VPS8: variants seen among roughly 807,000 people sequenced by gnomAD.
VPS8 encodes the protein vacuolar protein sorting-associated protein 8 homolog.
In VPS8, 129 loss-of-function variants were observed where a neutral mutation model predicts 216.4. The ratio of observed to expected loss-of-function variants is 0.60; its 90% CI spans 0.52 to 0.69. The LOEUF is 0.69. Ranked by LOEUF, VPS8 falls within the 30% of genes least tolerant of loss-of-function variation. VPS8 has a pLI of 0.00. For synonymous variants in VPS8, 571 were observed against 565.4 expected, an observed-to-expected ratio of 1.01 and a Z score of -0.14; for missense variants, 1,531 against 1,683.5, an observed-to-expected ratio of 0.91 and a Z score of 1.59.
At chr3:184,968,535 G>A (rs965131025) in intron 39 of VPS8, among the ~76,000 whole-genome samples, 1 of 152,014 alleles carries the variant, frequency 6.6e-6, no homozygotes, top group Non-Finnish European at 1.5e-5. Context: ...CATCCTTTCC[G>A]ACATTTATAT....
At chr3:184,945,460 A>G (rs1046504846) in intron 36 of VPS8, among the ~76,000 whole-genome samples, 4 of 152,130 alleles carry the variant, frequency 2.6e-5, no homozygotes, top group Admixed American at 2.0e-4. Context: ...ATGTATAAGT[A>G]TCTTAAATAA....
At chr3:184,814,089 CTG>C (rs1489695797) in intron 1 of VPS8, among the ~76,000 whole-genome samples, 2 of 152,192 alleles carry the variant, frequency 1.3e-5, no homozygotes, top group African/African-American at 2.4e-5. Flanking sequence ...GGATTTTTCA[CTG>C]TTATGAATTT....
intron 45 of VPS8, among the ~76,000 whole-genome samples, chr3:185,020,598 G>C (rs75559864): frequency 1.5e-3 from 233 of 151,716 alleles, no homozygotes; most frequent in Admixed American, 5.6e-3. Context: ...ACCCTCCCAA[G>C]TAACTGAGAC....
chr3:184,916,344 TTA>T (rs1310118607), intron 28 of VPS8, among the ~76,000 whole-genome samples: 1 of 152,130 alleles, frequency 6.6e-6, no homozygotes, highest in Non-Finnish European at 1.5e-5. Context: ...TGGAAAATGC[TTA>T]TAGTGTTTAG....
At chr3:184,986,992 A>G (rs1326165930) in intron 42 of VPS8, among the ~76,000 whole-genome samples, 5 of 152,178 alleles carry the variant, frequency 3.3e-5, no homozygotes, top group Admixed American at 1.3e-4. Context: ...GTACAGTTGT[A>G]TGGGTTTTGA....
At chr3:184,893,483 C>A in intron 22 of VPS8, 3 of 505,390 alleles carry the variant, frequency 5.9e-6, no homozygotes, top group Non-Finnish European at 7.9e-6. Context: ...TGATACAAGG[C>A]AATACAATTT....
chr3:184,992,864 T>C (rs1752089296), intron 42 of VPS8, among the ~76,000 whole-genome samples: 1 of 152,236 alleles, frequency 6.6e-6, no homozygotes, highest in Admixed American at 6.5e-5. Context: ...AATTTGGCAG[T>C]ATATATTGAT....
At chr3:184,895,589 CT>C in intron 23 of VPS8, among the ~76,000 whole-genome samples, 1 of 78,182 alleles carries the variant, frequency 1.3e-5, no homozygotes, top group Admixed American at 1.2e-4. Flanking sequence ...CCTCCTCCTG[CT>C]CCTCCTCCTC....
chr3:185,027,537 C>T (rs1757562621), intron 46 of VPS8, among the ~76,000 whole-genome samples: 2 of 152,120 alleles, frequency 1.3e-5, no homozygotes, highest in East Asian at 1.9e-4. Context: ...CCACCGCACC[C>T]GGCTCTTACG....
At chr3:185,037,542 G>A (rs1209113162) in intron 46 of VPS8, among the ~76,000 whole-genome samples, 1 of 152,108 alleles carries the variant, frequency 6.6e-6, no homozygotes. Flanking sequence ...TAGCCATAAT[G>A]TATTAAAATA....
chr3:184,955,930 C>T lies in VPS8; in HGVS notation c.3036-1444C>T, dbSNP rs188355488. ...GGTATACATAGGGAATGGCCAGTCA[C>T]TGAACAAACTTCTGTATTAAAGGCA... On this transcript the variant is annotated intron_variant, in intron 36 of 47. Coordinates refer to ENST00000625842, the MANE Select transcript of VPS8 (RefSeq NM_001009921.3). 3.8e-3 allele frequency among the ~76,000 whole-genome samples: 567 copies of T among 147,972 alleles called. 3 individuals are homozygous for T. Among genetic ancestry groups the T allele is most frequent in the African/African-American group, 0.014 (544 of 39,978 alleles).
rs183181662 is a variant in VPS8 at position 184,999,668 on chromosome 3, G to A, written c.3837-28G>A. 2.3e-4 allele frequency: 358 copies of A among 1,583,326 alleles called. 2 individuals carry two copies. The African/African-American group carries it at 4.2e-3, about 19-fold the overall frequency. The stretch of plus-strand genomic sequence containing the variant: ...TTTATGGATTTTGTGATAATAAAAA[G>A]TACAAATTGGTTGCCTTCGTTTTGC... On this transcript the variant is annotated intron_variant, in intron 44 of 47. Coordinates refer to ENST00000625842, the MANE Select transcript of VPS8 (RefSeq NM_001009921.3).
chr3:184,834,645 TC>T lies in VPS8; in HGVS notation c.354-3del. The T allele has an allele frequency of 6.5e-7, 1 of 1,526,928 alleles. No homozygotes were observed. Among genetic ancestry groups the T allele is most frequent in the Non-Finnish European group, 8.8e-7 (1 of 1,138,670 alleles). The allele number at this position is 1,526,928 out of a possible 1,614,324, so 94.6% of individuals were successfully genotyped here. On this transcript the variant is annotated splice_region_variant and splice_polypyrimidine_tract_variant and intron_variant, in intron 4 of 47. Transcript: ENST00000625842. ...TTTTAAATGTTTTTCTTTTTTTTTT[TC>T]AGGAAGAAGAAATTACCTGATTCTT... is the stretch of plus-strand genomic sequence containing the variant.
intron 16 of VPS8, among the ~76,000 whole-genome samples, chr3:184,864,678 A>G (rs113906938): frequency 2.0e-5 from 3 of 152,342 alleles, no homozygotes; most frequent in African/African-American, 7.2e-5. Flanking sequence ...CCCAGCTAAC[A>G]CATCTTAAAA....
intron 40 of VPS8, among the ~76,000 whole-genome samples, chr3:184,977,362 G>T (rs1329819782): frequency 6.6e-6 from 1 of 152,044 alleles, no homozygotes; most frequent in African/African-American, 2.4e-5. Flanking sequence ...TTAGACATTT[G>T]TCAGATGCAT....
At chr3:185,030,080 T>C (rs1757905213) in intron 46 of VPS8, among the ~76,000 whole-genome samples, 1 of 152,096 alleles carries the variant, frequency 6.6e-6, no homozygotes, top group Non-Finnish European at 1.5e-5. Context: ...ACCAGAAATG[T>C]AAAAATCAGG....
intron 16 of VPS8, among the ~76,000 whole-genome samples, chr3:184,865,289 G>A (rs1727129116): frequency 6.6e-6 from 1 of 152,134 alleles, no homozygotes; most frequent in Non-Finnish European, 1.5e-5. Flanking sequence ...CATTTAAGAA[G>A]CTCAGTGAAC....
chr3:185,019,537 G>A (rs1006034142), intron 45 of VPS8, among the ~76,000 whole-genome samples: 7 of 152,152 alleles, frequency 4.6e-5, no homozygotes, highest in Non-Finnish European at 8.8e-5. Flanking sequence ...GGGATGGGCC[G>A]AAATAAAGGG....
intron 40 of VPS8, among the ~76,000 whole-genome samples, chr3:184,978,252 A>G (rs545098753): frequency 4.6e-5 from 7 of 151,914 alleles, no homozygotes; most frequent in African/African-American, 1.7e-4. Flanking sequence ...TCTGAGGGCT[A>G]TTTTTTATAT....
Sources: allele counts gnomAD v4.1 joint callset (sites outside exome capture counted in the v4.1 genomes callset), GRCh38; gene constraint gnomAD v4.1.1; transcripts MANE v1.5; gene names NCBI Gene and HGNC (gene_info 2026-07-23, HGNC 2026-07-21).